Variants in TANC2 observed in about 807,000 individuals in gnomAD.
TANC2 encodes tetratricopeptide repeat, ankyrin repeat and coiled-coil containing 2.
TANC2 carries 26 observed loss-of-function variants against 210.5 expected under a neutral mutation model. The observed-to-expected ratio is 0.12, with a 90% CI of 0.09 to 0.17. TANC2 has a LOEUF of 0.17. TANC2 is among the 10% of genes least tolerant of loss of function. The pLI is 1.00. For missense variants in TANC2, 2,129 were observed against 2,608.9 expected, an observed-to-expected ratio of 0.82 and a Z score of 4.01; for synonymous variants, 931 against 967.1, an observed-to-expected ratio of 0.96 and a Z score of 0.69.
At chr17:63,302,800 G>T (rs991909239) in intron 9 of TANC2, among the ~76,000 whole-genome samples, 1 of 151,632 alleles carries the variant, frequency 6.6e-6, no homozygotes, top group Non-Finnish European at 1.5e-5. Flanking sequence ...GTCTTGCTCT[G>T]TTGCCCAGGG....
intron 3 of TANC2, among the ~76,000 whole-genome samples, chr17:63,076,130 A>ACCC (rs1568364960): frequency 6.6e-6 from 1 of 152,132 alleles, no homozygotes; most frequent in African/African-American, 2.4e-5. Context: ...TCAGATGAAG[A>ACCC]AGCATTGGGT....
intron 5 of TANC2, among the ~76,000 whole-genome samples, chr17:63,168,457 G>A (rs2040291227): frequency 6.6e-6 from 1 of 152,002 alleles, no homozygotes; most frequent in Admixed American, 6.5e-5. Flanking sequence ...TCTGTTCTCT[G>A]GACCCTTCAC....
chr17:63,398,685 G>GC, intron 18 of TANC2, 136 bp from the exon 19 acceptor site: 1 of 556,438 alleles, frequency 1.8e-6, no homozygotes, highest in South Asian at 2.9e-5. Context: ...TATTAGGACG[G>GC]TCAATTCTGA....
chr17:63,321,502 C>T (rs2045492154), intron 11 of TANC2, among the ~76,000 whole-genome samples: 1 of 152,144 alleles, frequency 6.6e-6, no homozygotes, highest in Non-Finnish European at 1.5e-5. Flanking sequence ...GAGAGCTTGA[C>T]CATAGAACAT....
rs182256151 is a variant in TANC2, at chr17:62,991,682, G to T, written c.-23-17855G>T. The stretch of plus-strand genomic sequence containing the variant: ...AAAAACAAACAAAAAAAGCTAAGTA[G>T]ATAATACAAATAAATATAGTATAAG... On this transcript the variant is annotated intron_variant, in intron 1 of 27. Transcript: ENST00000689528. Among the ~76,000 whole-genome samples the T allele has an allele frequency of 8.0e-4, 121 of 151,412 alleles. No homozygotes were observed. In the Middle Eastern group the frequency reaches 0.017, roughly 21 times the overall value.
chr17:62,976,616 CT>C (rs2032016010), intron 1 of TANC2, among the ~76,000 whole-genome samples: 1 of 152,094 alleles, frequency 6.6e-6, no homozygotes, highest in African/African-American at 2.4e-5. Context: ...TTCAAAGAAA[CT>C]TTCCTCCCCG....
chr17:63,160,023 T>A (rs1300321747), intron 5 of TANC2, among the ~76,000 whole-genome samples: 2 of 152,256 alleles, frequency 1.3e-5, no homozygotes, highest in Non-Finnish European at 2.9e-5. Context: ...TGTCCTCACA[T>A]GCTTTTCCTC....
chr17:62,968,848 G>C (rs559453948), intron 1 of TANC2, among the ~76,000 whole-genome samples: 1 of 152,226 alleles, frequency 6.6e-6, no homozygotes, highest in South Asian at 2.1e-4. Flanking sequence ...GGTAGCATTT[G>C]ATGTTAGGAA....
chr17:63,241,725 G>C (rs2042779378), intron 8 of TANC2, among the ~76,000 whole-genome samples: 1 of 152,156 alleles, frequency 6.6e-6, no homozygotes, highest in Admixed American at 6.5e-5. Flanking sequence ...GTCATATACA[G>C]TGTTAGCTGT....
At position 63,022,431 on chromosome 17, in the gene TANC2, C is replaced by T. The variant is rs370814503; in HGVS notation, c.67+12805C>T. Among the ~76,000 whole-genome samples the T allele has an allele frequency of 6.6e-5, 10 of 151,900 alleles. No individual in the cohort carries two copies. The South Asian group carries it at 2.1e-3, about 32-fold the overall frequency. On this transcript the variant is annotated intron_variant, in intron 2 of 27. Coordinates refer to ENST00000689528, the Ensembl canonical transcript of TANC2. Reference sequence around the variant, plus strand: ...AAGATGCTGTGTAGCTACTTCTGGCCACTTACAGTGAGCTATGGGAGCAAA... The same window carrying T: ...AAGATGCTGTGTAGCTACTTCTGGCTACTTACAGTGAGCTATGGGAGCAAA...
intron 13 of TANC2, among the ~76,000 whole-genome samples, chr17:63,352,793 C>T (rs1476190959): frequency 2.6e-5 from 4 of 152,074 alleles, no homozygotes; most frequent in Non-Finnish European, 4.4e-5. Context: ...ATTTGATCAT[C>T]ATTATTTCCA....
intron 8 of TANC2, among the ~76,000 whole-genome samples, chr17:63,265,417 G>T (rs1280932397): frequency 6.6e-6 from 1 of 152,122 alleles, no homozygotes; most frequent in Non-Finnish European, 1.5e-5. Flanking sequence ...TATGGCCTCT[G>T]TTTGGGATTA....
intron 2 of TANC2, among the ~76,000 whole-genome samples, chr17:63,025,249 T>C (rs1351665866): frequency 6.6e-6 from 1 of 152,166 alleles, no homozygotes; most frequent in African/African-American, 2.4e-5. Context: ...TTAACCTGCT[T>C]ATATGTTCAT....
chr17:63,146,158 G>T (rs1346589824), intron 4 of TANC2, among the ~76,000 whole-genome samples: 6 of 151,608 alleles, frequency 4.0e-5, no homozygotes, highest in African/African-American at 1.5e-4. Flanking sequence ...TTATTTTTTT[G>T]TTGTTGCTAT....
chr17:62,999,222 A>T (rs1487860947), intron 1 of TANC2, among the ~76,000 whole-genome samples: 2 of 151,532 alleles, frequency 1.3e-5, no homozygotes, highest in African/African-American at 4.9e-5. Flanking sequence ...ACTGTCTCTC[A>T]CTCCTGCTCT....
chr17:63,328,358 T>C (rs1193222731), intron 11 of TANC2, among the ~76,000 whole-genome samples: 2 of 148,040 alleles, frequency 1.4e-5, no homozygotes, highest in African/African-American at 5.1e-5. Context: ...TTTTAAAACA[T>C]GGTATGTGTA....
chr17:63,145,957 G>C (rs2039449519), intron 4 of TANC2, among the ~76,000 whole-genome samples: 2 of 152,018 alleles, frequency 1.3e-5, no homozygotes, highest in Admixed American at 6.6e-5. Flanking sequence ...AAAGTCGTTG[G>C]GATTTTGATA....
chr17:63,128,769 C>T (rs764050589), intron 4 of TANC2, among the ~76,000 whole-genome samples: 7 of 152,034 alleles, frequency 4.6e-5, no homozygotes, highest in Non-Finnish European at 8.8e-5. Context: ...TGAGAAAAAC[C>T]ACAAATTATT....
At chr17:63,337,780 G>A (rs901424544) in intron 11 of TANC2, among the ~76,000 whole-genome samples, 3 of 151,974 alleles carry the variant, frequency 2.0e-5, no homozygotes, top group Admixed American at 1.3e-4. Context: ...CCCACTCTCC[G>A]CCCTCCGGTA....
Sources: gnomAD v4.1 joint callset for allele counts (sites outside exome capture counted in the v4.1 genomes callset) on GRCh38, gnomAD v4.1.1 for gene constraint, MANE v1.5 for transcripts, NCBI Gene and HGNC (gene_info 2026-07-23, HGNC 2026-07-21) for gene names.